Variants in RNF130 observed in about 807,000 individuals in gnomAD.
RNF130 encodes ring finger protein 130, also known as E3 ubiquitin-protein ligase RNF130.
RNF130 carries 21 observed loss-of-function variants against 44.6 expected under a neutral mutation model. The observed-to-expected ratio is 0.47, with a 90% CI of 0.33 to 0.68. The LOEUF is 0.68. RNF130 is among the 30% of genes least tolerant of loss of function. RNF130 has a pLI of 0.02. For missense variants in RNF130, 479 were observed against 560.6 expected (o/e 0.85, Z 1.47); for synonymous variants, 214 against 210.4 (o/e 1.02, Z -0.15).
intron 1 of RNF130, among the ~76,000 whole-genome samples, chr5:180,053,002 A>G (rs1764723665): frequency 6.6e-6 from 1 of 152,220 alleles, no homozygotes; most frequent in Admixed American, 6.5e-5. Flanking sequence ...AGGGAAAAAA[A>G]GGATTTTATG....
intron 3 of RNF130, among the ~76,000 whole-genome samples, chr5:179,994,411 T>C (rs1435274129): frequency 1.3e-5 from 2 of 152,232 alleles, no homozygotes; most frequent in Non-Finnish European, 2.9e-5. Context: ...GTAGTTCTTC[T>C]TGAAGAGGTC....
chr5:180,015,643 GGGAAAGGAGT>G, intron 2 of RNF130, among the ~76,000 whole-genome samples: 1 of 98,122 alleles, frequency 1.0e-5, no homozygotes, highest in Admixed American at 1.0e-4. Flanking sequence ...GAAAGGAGTA[GGGAAAGGAGT>G]AGGAAAGGAG....
At chr5:180,035,278 T>G (rs1764224846) in intron 2 of RNF130, among the ~76,000 whole-genome samples, 1 of 152,252 alleles carries the variant, frequency 6.6e-6, no homozygotes, top group African/African-American at 2.4e-5. Flanking sequence ...AATTTTTTAT[T>G]GGACCCGTGT....
chr5:180,047,007 GTT>G (rs1764581236), intron 1 of RNF130, among the ~76,000 whole-genome samples: 1 of 102,286 alleles, frequency 9.8e-6, no homozygotes, highest in South Asian at 4.7e-4. Flanking sequence ...GTGGCAAAGA[GTT>G]CTCTGTTTCA....
At chr5:179,955,933 A>G (rs1017396822) in intron 8 of RNF130, 4 of 367,444 alleles carry the variant, frequency 1.1e-5, no homozygotes, top group Non-Finnish European at 2.0e-5. Flanking sequence ...TTGTTTAAAT[A>G]CACAGGGACA....
intron 3 of RNF130, among the ~76,000 whole-genome samples, chr5:180,010,244 CAAAAAAAAAA>C (rs71001067): frequency 2.4e-5 from 1 of 41,098 alleles, no homozygotes; most frequent in African/African-American, 1.3e-4. Context: ...GACTACATCT[CAAAAAAAAAA>C]AAAAAAAAAA....
intron 7 of RNF130, among the ~76,000 whole-genome samples, chr5:179,920,669 A>G (rs1761615431): frequency 6.6e-6 from 1 of 152,114 alleles, no homozygotes; most frequent in African/African-American, 2.4e-5. Flanking sequence ...TCAAAGCAAA[A>G]GCTGCCTGGT....
At chr5:180,067,005 G>A (rs1203914886) in intron 1 of RNF130, among the ~76,000 whole-genome samples, 1 of 152,076 alleles carries the variant, frequency 6.6e-6, no homozygotes, top group Non-Finnish European at 1.5e-5. Context: ...TTCCAGCCCG[G>A]GCAACAGAGC....
intron 7 of RNF130, among the ~76,000 whole-genome samples, chr5:179,924,385 C>T (rs376794188): frequency 6.6e-6 from 1 of 151,854 alleles, no homozygotes; most frequent in South Asian, 2.1e-4. Flanking sequence ...ATCCCAGCTA[C>T]TCGGGAGGCT....
rs111940876 is a variant in RNF130, at chr5:179,966,362, A to C, written c.1150+444T>G. Among the ~76,000 whole-genome samples the C allele has an allele frequency of 2.3e-4, 35 of 152,268 alleles. 1 individual carries two copies. The highest frequency in any genetic ancestry group is 7.2e-4 in the African/African-American group (30 of 41,550). On this transcript the variant is annotated intron_variant, in intron 7 of 8. Coordinates refer to ENST00000521389, the MANE Select transcript of RNF130 (RefSeq NM_018434.6). ...GTGCGCAACAGGCTATGTTCCAAGA[A>C]CTGTGAATTTTTAGGTTCAAGTTCT...
At chr5:180,038,042 G>A (rs950976337) in intron 2 of RNF130, among the ~76,000 whole-genome samples, 2 of 152,040 alleles carry the variant, frequency 1.3e-5, no homozygotes, top group African/African-American at 4.8e-5. Context: ...AATAAAACAG[G>A]GTTTTTTGTT....
At chr5:179,956,760 A>G (rs773491596) in intron 8 of RNF130, among the ~76,000 whole-genome samples, 1 of 152,006 alleles carries the variant, frequency 6.6e-6, no homozygotes, top group Non-Finnish European at 1.5e-5. Flanking sequence ...GCCTTTGCGT[A>G]CTCCCTCACT....
intron 5 of RNF130, among the ~76,000 whole-genome samples, chr5:179,976,475 T>G (rs989231259): frequency 4.6e-5 from 7 of 152,338 alleles, no homozygotes; most frequent in African/African-American, 1.7e-4. Flanking sequence ...CCGCTGGCCC[T>G]TCTCCTGATT....
chr5:179,961,122 A>C (rs994128050), intron 8 of RNF130, among the ~76,000 whole-genome samples: 4 of 151,994 alleles, frequency 2.6e-5, no homozygotes, highest in Admixed American at 6.5e-5. Context: ...AAAAAAAAAA[A>C]ACACAACACA....
chr5:180,008,875 C>A (rs1178182620), intron 3 of RNF130, among the ~76,000 whole-genome samples: 1 of 151,528 alleles, frequency 6.6e-6, no homozygotes, highest in Non-Finnish European at 1.5e-5. Flanking sequence ...CAGAGTAAGA[C>A]CCTCTCTCAA....
Position 179,943,148 on chromosome 5 carries a change from T to A in RNF130, c.1151-22722A>T, listed in dbSNP as rs141361862. On this transcript the variant is annotated intron_variant, in intron 7 of 7. Transcript: ENST00000522208. ...AGGCAGAGGTTGCAGTGAGCTGAGA[T>A]CGCGCCACTGCACTCCAGCCTGGGA... is the stretch of plus-strand genomic sequence containing the variant. Among the ~76,000 whole-genome samples the A allele has an allele frequency of 7.9e-3, 1,209 of 152,304 alleles. 8 individuals are homozygous for A. The highest frequency in any genetic ancestry group is 0.012 in the Non-Finnish European group (786 of 68,030).
rs3749821 is a variant in RNF130 at position 180,071,595 on chromosome 5, C to T, written c.108G>A (p.Thr36=). The T allele has an allele frequency of 0.61, 919,657 of 1,498,206 alleles. 285,274 individuals are homozygous for T. The highest frequency in any genetic ancestry group is 0.73 in the South Asian group (56,731 of 78,030). 92.8% of individuals were successfully genotyped at this position (1,498,206 alleles called of 1,614,324 possible). ...RADNASQEYY[T]ALINVTVQEP... is the part of the protein sequence containing the mutation. ...CCTGCACCGTCACGTTGATGAGCGCCGTGTAGTACTCCTGGCTCGCGTTGT... is the reference window on the plus strand; with the variant it reads ...CCTGCACCGTCACGTTGATGAGCGCTGTGTAGTACTCCTGGCTCGCGTTGT... Residue 36 remains threonine, a synonymous_variant, in exon 1 of 9, where the codon ACG becomes ACA. Coordinates refer to ENST00000521389, the MANE Select transcript of RNF130 (RefSeq NM_018434.6).
At chr5:179,926,882 A>G (rs1161296608) in intron 7 of RNF130, among the ~76,000 whole-genome samples, 1 of 152,072 alleles carries the variant, frequency 6.6e-6, no homozygotes, top group Non-Finnish European at 1.5e-5. Context: ...GTTGGAACTG[A>G]ATTGAATTGA....
intron 2 of RNF130, among the ~76,000 whole-genome samples, chr5:180,033,412 T>C (rs1005180570): frequency 6.6e-5 from 10 of 152,188 alleles, no homozygotes; most frequent in African/African-American, 2.4e-4. Context: ...GGAACGTTCA[T>C]AGCTAGCATA....
Sources: allele counts gnomAD v4.1 joint callset (sites outside exome capture counted in the v4.1 genomes callset), GRCh38; gene constraint gnomAD v4.1.1; transcripts MANE v1.5; gene names NCBI Gene and HGNC (gene_info 2026-07-23, HGNC 2026-07-21).